Variants in UPF3A observed in about 807,000 individuals in gnomAD.
UPF3A encodes UPF3A regulator of nonsense mediated mRNA decay, also known as regulator of nonsense transcripts 3A.
Under a neutral mutation model 53.5 loss-of-function variants are expected in UPF3A, and 42 were observed. The ratio of observed to expected loss-of-function variants is 0.78; its 90% confidence interval spans 0.61 to 1.01. The LOEUF is 1.01. UPF3A is among the 50% of genes least tolerant of loss of function. UPF3A has a pLI of 0.00. For synonymous variants in UPF3A, 237 were observed against 225.3 expected, an observed-to-expected ratio of 1.05 and a Z score of -0.47; for missense variants, 575 against 598.0, an observed-to-expected ratio of 0.96 and a Z score of 0.40.
intron 7 of UPF3A, among the ~76,000 whole-genome samples, 160 bp from the exon 8 acceptor site, chr13:114,298,680 C>T (rs757921205): frequency 2.0e-5 from 3 of 152,192 alleles, no homozygotes; most frequent in Non-Finnish European, 4.4e-5. Flanking sequence ...TGTTCCACCA[C>T]GTATTAAACC....
Position 114,281,636 on chromosome 13 carries a change from CGGCAT to C in UPF3A, c.-2_3del, listed in dbSNP as rs1315759311. On this transcript the variant is annotated start_lost and 5_prime_UTR_variant, in exon 1 of 10. Coordinates refer to ENST00000375299, the MANE Select transcript of UPF3A (RefSeq NM_023011.4). ...GGCGGCTGCGGCTCGGCGGAGAGTG[CGGCAT>C]GCGCTCGGAAAAGGAGGGGGCCGGA... 7 of 1,459,124 alleles carry C rather than the reference CGGCAT, an allele frequency of 4.8e-6. No individual in the cohort carries two copies. In the African/African-American group the frequency reaches 1.0e-4, roughly 21 times the overall value. 90.4% of individuals were successfully genotyped at this position (1,459,124 alleles called of 1,614,324 possible).
At chr13:114,293,112 G>A (rs2085484723) in intron 7 of UPF3A, among the ~76,000 whole-genome samples, 1 of 149,006 alleles carries the variant, frequency 6.7e-6, no homozygotes, top group South Asian at 2.1e-4. Context: ...GGCCGGGTGG[G>A]GTGGCTGACA....
At chr13:114,282,678 T>A in intron 2 of UPF3A, 159 bp from the exon 3 acceptor site, 1 of 985,378 alleles carries the variant, frequency 1.0e-6, no homozygotes, top group South Asian at 4.7e-5. Flanking sequence ...TGCGTTTGTT[T>A]TTGCTAAAGA....
chr13:114,291,819 T>A, intron 7 of UPF3A, 27 bp downstream of exon 7: 1 of 1,564,694 alleles, frequency 6.4e-7, no homozygotes. Flanking sequence ...ATTTCCTTTT[T>A]CCAAAAATAG....
intron 3 of UPF3A, chr13:114,286,047 CT>C (rs1566730974): frequency 4.2e-5 from 19 of 451,650 alleles, no homozygotes; most frequent in Non-Finnish European, 6.7e-5. Flanking sequence ...AGTAAATGTT[CT>C]TCTTACCAGG....
Position 114,301,977 on chromosome 13 carries a change from G to C in UPF3A, c.1254G>C (p.Gln418His). The C allele has an allele frequency of 2.5e-6, 4 of 1,584,038 alleles. No homozygotes were observed. The highest frequency in any genetic ancestry group is 3.4e-6 in the Non-Finnish European group (4 of 1,164,588). The change falls in exon 9 of 10, where the codon CAG becomes CAC. Residue 418 changes from glutamine (Q) to histidine (H), a missense_variant. This residue lies in a region of UPF3A where 323 missense variants were observed against 415.2 expected (regional missense o/e 0.78). Coordinates refer to ENST00000375299, the MANE Select transcript of UPF3A (RefSeq NM_023011.4). ...GEAMERLGRA[Q>H]RCDDSPAPRK... Reference sequence around the variant, plus strand: ...CCATGGAGAGACTGGGAAGAGCGCAGAGGTGTGACGACAGTCCAGCACCCA... The same window carrying C: ...CCATGGAGAGACTGGGAAGAGCGCACAGGTGTGACGACAGTCCAGCACCCA...
At chr13:114,303,099 T>TA (rs535362090) in intron 9 of UPF3A, among the ~76,000 whole-genome samples, 12 of 145,138 alleles carry the variant, frequency 8.3e-5, no homozygotes, top group Non-Finnish European at 1.1e-4. Flanking sequence ...AAATTACCTC[T>TA]AAAAAAAAAA....
At chr13:114,292,364 G>A (rs1449142031) in intron 7 of UPF3A, among the ~76,000 whole-genome samples, 1 of 150,116 alleles carries the variant, frequency 6.7e-6, no homozygotes, top group African/African-American at 2.5e-5. Flanking sequence ...AGGCGTACAC[G>A]TGCAGGTGTG....
intron 9 of UPF3A, 138 bp from the exon 10 acceptor site, chr13:114,304,651 A>T (rs1201334089): frequency 8.0e-7 from 1 of 1,244,776 alleles, no homozygotes; most frequent in African/African-American, 1.5e-5. Context: ...TAGTGCTGTG[A>T]AAAAAGGGCT....
chr13:114,286,650 C>G, intron 5 of UPF3A, 21 bp downstream of exon 5: 1 of 1,573,394 alleles, frequency 6.4e-7, no homozygotes, highest in Non-Finnish European at 8.7e-7. Flanking sequence ...CTCATTTCTT[C>G]TCTTTTCTTT....
At chr13:114,281,994 G>T in intron 1 of UPF3A, 27 bp from the exon 2 acceptor site, 1 of 1,537,808 alleles carries the variant, frequency 6.5e-7, no homozygotes, top group South Asian at 1.2e-5. Flanking sequence ...CTCCGCCCCG[G>T]TGGGAACGGC....
chr13:114,294,517 G>C (rs1166741860), intron 7 of UPF3A, among the ~76,000 whole-genome samples: 3 of 152,182 alleles, frequency 2.0e-5, no homozygotes, highest in Non-Finnish European at 4.4e-5. Context: ...TCCCACTGCT[G>C]GGGTTAGAGG....
intron 7 of UPF3A, among the ~76,000 whole-genome samples, chr13:114,296,390 T>TA (rs1160633320): frequency 2.0e-5 from 3 of 151,320 alleles, no homozygotes; most frequent in Non-Finnish European, 2.9e-5. Context: ...TCAAAAAAAA[T>TA]AAAAAAAATA....
rs765896619 is a variant in UPF3A, at chr13:114,281,773, C to G, written c.134C>G (p.Pro45Arg). The G allele has an allele frequency of 6.4e-7, 1 of 1,556,542 alleles. No homozygotes were observed. ...TCGCAGCAGCAGGAGGCTGAGACGC[C>G]GCCAACTTCGTCCTCCGGTTGCGGG... Reference protein sequence around the residue: ...RDSQQQEAETPPTSSSGCGGG... With the variant: ...RDSQQQEAETRPTSSSGCGGG... Residue 45 changes from proline (P) to arginine (R), a missense_variant, in exon 1 of 10, where the codon CCG (proline) becomes CGG (arginine). Transcript: ENST00000375299.
At chr13:114,296,926 A>T (rs1265306379) in intron 7 of UPF3A, among the ~76,000 whole-genome samples, 1 of 152,340 alleles carries the variant, frequency 6.6e-6, no homozygotes, top group East Asian at 1.9e-4. Flanking sequence ...TATTACAGAC[A>T]TGTTACTGTT....
At chr13:114,282,372 C>G in intron 2 of UPF3A, 1 of 1,117,202 alleles carries the variant, frequency 9.0e-7, no homozygotes, top group Non-Finnish European at 1.2e-6. Flanking sequence ...CTTAGGAAAG[C>G]GGGTGCCTTT....
intron 2 of UPF3A, 45 bp downstream of exon 2, chr13:114,282,172 C>T (rs779220023): frequency 7.4e-6 from 11 of 1,482,532 alleles, no homozygotes; most frequent in Non-Finnish European, 1.0e-5. Flanking sequence ...GAACCCAGAG[C>T]TCGGCGGCGG....
At chr13:114,282,481 C>T (rs1468707411) in intron 2 of UPF3A, 22 of 985,432 alleles carry the variant, frequency 2.2e-5, no homozygotes, top group Non-Finnish European at 2.7e-5. Flanking sequence ...TTCCTGTGGC[C>T]TCCACGCTGG....
At chr13:114,286,459 G>A in intron 4 of UPF3A, 59 bp downstream of exon 4, 1 of 1,611,496 alleles carries the variant, frequency 6.2e-7, no homozygotes, top group Non-Finnish European at 8.5e-7. Flanking sequence ...CTGAGCAAAT[G>A]TAATTCTCCC....
Sources: allele counts gnomAD v4.1 joint callset (sites outside exome capture counted in the v4.1 genomes callset), GRCh38; gene constraint gnomAD v4.1.1; regional missense constraint gnomAD v4.1.1; transcripts MANE v1.5; gene names NCBI Gene and HGNC (gene_info 2026-07-23, HGNC 2026-07-21).